The following NMUR2 variants were observed in gnomAD, a reference collection of about 807,000 sequenced individuals.
NMUR2 encodes the protein neuromedin U receptor 2, also known as neuromedin-U receptor 2.
Under a neutral mutation model 25.1 loss-of-function variants are expected in NMUR2, and 24 were observed. That is an observed-to-expected ratio of 0.96 (90% confidence interval 0.69 to 1.34). NMUR2 has a LOEUF of 1.34. Among genes scored for constraint, NMUR2 ranks in the 40% most tolerant of loss-of-function variants. The pLI is 0.00. For missense variants in NMUR2, 533 were observed against 512.8 expected (o/e 1.04, Z -0.38); for synonymous variants, 218 against 208.1 (o/e 1.05, Z -0.41).
At chr5:152,394,255 G>C (rs1753112143) in intron 3 of NMUR2, among the ~76,000 whole-genome samples, 1 of 152,072 alleles carries the variant, frequency 6.6e-6, no homozygotes, top group South Asian at 2.1e-4. Context: ...TTTGAGCTTT[G>C]GTTGCAAATG....
At chr5:152,393,579 G>C (rs930682545) in intron 3 of NMUR2, among the ~76,000 whole-genome samples, 1 of 152,152 alleles carries the variant, frequency 6.6e-6, no homozygotes, top group Non-Finnish European at 1.5e-5. Flanking sequence ...TAGTGAATTA[G>C]ACTTTGTTCT....
In NMUR2 at chr5:152,392,045, C is replaced by G. The variant is rs546638385; in HGVS notation, c.*146G>C. 7 of 670,994 alleles carry G rather than the reference C, an allele frequency of 1.0e-5. No individual in the cohort carries two copies. The African/African-American group carries it at 1.1e-4, about 11-fold the overall frequency. 41.6% of individuals were successfully genotyped at this position (670,994 alleles called of 1,614,324 possible). A position where few individuals can be genotyped will look rare whatever the true frequency, so the allele number is the denominator to read the frequency against. On this transcript the variant is annotated 3_prime_UTR_variant, in exon 4 of 4. Transcript: ENST00000255262. ...AACCAGATCTAACTCTCAGTTTTCA[C>G]GTTTATTAAAAAAAAAAAAACTAGC...
intron 1 of NMUR2, among the ~76,000 whole-genome samples, chr5:152,399,056 T>A (rs145611432): frequency 6.7e-6 from 1 of 149,556 alleles, no homozygotes; most frequent in African/African-American, 2.4e-5. Context: ...TCCTTTGAAC[T>A]CCCACAGCAC....
rs183515991 is a variant in NMUR2, at chr5:152,396,559, A to G, written c.812-975T>C. Among the ~76,000 whole-genome samples, 3 of 152,266 alleles carry G rather than the reference A, an allele frequency of 2.0e-5. No individual in the cohort carries two copies. The East Asian group carries it at 5.8e-4, about 29-fold the overall frequency. On this transcript the variant is annotated intron_variant, in intron 2 of 3. Coordinates refer to ENST00000255262, the MANE Select transcript of NMUR2 (RefSeq NM_020167.5). ...GGTTTCTACTGAATTTGCCAACCCA[A>G]GAAAAGTCCCTAATCTGTTCACTAC...
chr5:152,404,670 G>A lies in NMUR2; in HGVS notation c.444C>T (p.Ile148=). ...GCAGTTTGGCGCGGAACGGGTGTAG[G>A]ATGGCCACGTAGCGCTCCACGCTGA... ...TTVSVERYVA[I]LHPFRAKLQS... is the part of the protein sequence containing the mutation. Residue 148 remains isoleucine, a synonymous_variant, in exon 1 of 4, where the codon ATC becomes ATT. Coordinates refer to ENST00000255262, the MANE Select transcript of NMUR2 (RefSeq NM_020167.5). 4 of 1,614,114 alleles carry A rather than the reference G, an allele frequency of 2.5e-6. No homozygotes were observed. Among genetic ancestry groups the A allele is most frequent in the Non-Finnish European group, 8.5e-7 (1 of 1,180,018 alleles).
Position 152,395,604 on chromosome 5 carries a change from G to T in NMUR2, c.812-20C>A. On this transcript the variant is annotated intron_variant, in intron 2 of 3. Coordinates refer to ENST00000255262, the MANE Select transcript of NMUR2 (RefSeq NM_020167.5). ...AGACAACTGAAAATGGATGATAAAT[G>T]GGAGACCAGAAGACAGTCTGTGCAA... 1 of 1,612,188 alleles carries T rather than the reference G, an allele frequency of 6.2e-7. No individual in the cohort carries two copies. Among genetic ancestry groups the T allele is most frequent in the Admixed American group, 1.7e-5 (1 of 59,766 alleles).
At chr5:152,402,089 T>A (rs923969536) in intron 1 of NMUR2, among the ~76,000 whole-genome samples, 6 of 152,038 alleles carry the variant, frequency 3.9e-5, no homozygotes, top group African/African-American at 1.4e-4. Context: ...AATTAAGGAA[T>A]CCATAAGTAT....
rs1448177573 is a variant in NMUR2 at position 152,405,250 on chromosome 5, G to A, written c.-137C>T. The A allele has an allele frequency of 9.6e-7, 1 of 1,036,580 alleles. No homozygotes were observed. The highest frequency in any genetic ancestry group is 1.6e-5 in the African/African-American group (1 of 62,456). The allele number at this position is 1,036,580 out of a possible 1,614,324, so 64.2% of individuals were successfully genotyped here. A position where few individuals can be genotyped will look rare whatever the true frequency, so the allele number is the denominator to read the frequency against. The stretch of plus-strand genomic sequence containing the variant: ...GTCACAGGCTTCGTAAGGAAGGCTG[G>A]GAGAGAGTGAGTGTTTCACCCTCCA... On this transcript the variant is annotated 5_prime_UTR_variant, in exon 1 of 4. Transcript: ENST00000255262.
chr5:152,400,087 A>G (rs1043411485), intron 1 of NMUR2, among the ~76,000 whole-genome samples: 1 of 152,188 alleles, frequency 6.6e-6, no homozygotes, highest in Non-Finnish European at 1.5e-5. Context: ...CAGCAAATCC[A>G]TATCCAGTCT....
chr5:152,391,993 T>G lies in NMUR2; in HGVS notation c.*198A>C. The G allele has an allele frequency of 1.8e-6, 1 of 540,666 alleles. No homozygotes were observed. The highest frequency in any genetic ancestry group is 3.3e-6 in the Non-Finnish European group (1 of 306,622). The allele number at this position is 540,666 out of a possible 1,614,324, so 33.5% of individuals were successfully genotyped here. On this transcript the variant is annotated 3_prime_UTR_variant, in exon 4 of 4. Coordinates refer to ENST00000255262, the MANE Select transcript of NMUR2 (RefSeq NM_020167.5). ...GCAGTTAGGATAGTGGAAAGATAAC[T>G]AAAAATCAGGCAGTCTTGGGTTTTG...
rs927471968 is a variant in NMUR2 at position 152,405,221 on chromosome 5, G to A, written c.-108C>T. 3 of 1,312,974 alleles carry A rather than the reference G, an allele frequency of 2.3e-6. No homozygotes were observed. Among genetic ancestry groups the A allele is most frequent in the South Asian group, 1.5e-5 (1 of 67,348 alleles). 81.3% of individuals were successfully genotyped at this position (1,312,974 alleles called of 1,614,324 possible). A position where few individuals can be genotyped will look rare whatever the true frequency, so the allele number is the denominator to read the frequency against. On this transcript the variant is annotated 5_prime_UTR_variant, in exon 1 of 4. Transcript: ENST00000255262. ...AAAACAAAAAAGAGAAAGCAGTCAC[G>A]AAAGTCACAGGCTTCGTAAGGAAGG...
At position 152,397,968 on chromosome 5, in the gene NMUR2, G is replaced by A. The variant is rs1429269141; in HGVS notation, c.811+92C>T. On this transcript the variant is annotated intron_variant, in intron 2 of 3. Coordinates refer to ENST00000255262, the MANE Select transcript of NMUR2 (RefSeq NM_020167.5). Reference sequence around the variant, plus strand: ...TAAATACTCTGTTTCAGGATAAATTGGAACCTACCCCAGCAGCATTTAGTT... The same window carrying A: ...TAAATACTCTGTTTCAGGATAAATTAGAACCTACCCCAGCAGCATTTAGTT... 4.8e-6 allele frequency: 4 copies of A among 825,728 alleles called. No individual in the cohort carries two copies. The East Asian group carries it at 9.9e-5, about 20-fold the overall frequency. The allele number at this position is 825,728 out of a possible 1,614,324, so 51.2% of individuals were successfully genotyped here.
In NMUR2 at chr5:152,397,301, C is replaced by G. The variant is rs1307575354; in HGVS notation, c.811+759G>C. ...ATTTGCAAAATGTATTATAAATCTC[C>G]TTTCCCTCATCAGTAACTCCTCTCA... On this transcript the variant is annotated intron_variant, in intron 2 of 3. Coordinates refer to ENST00000255262, the MANE Select transcript of NMUR2 (RefSeq NM_020167.5). Among the ~76,000 whole-genome samples the G allele has an allele frequency of 1.8e-4, 28 of 152,106 alleles. 1 individual carries two copies. The highest frequency in any genetic ancestry group is 1.8e-3 in the Admixed American group (28 of 15,264).
chr5:152,405,215 A>G lies in NMUR2; in HGVS notation c.-102T>C. 1 of 1,332,556 alleles carries G rather than the reference A, an allele frequency of 7.5e-7. No individual in the cohort carries two copies. Among genetic ancestry groups the G allele is most frequent in the South Asian group, 1.5e-5 (1 of 67,830 alleles). 82.5% of individuals were successfully genotyped at this position (1,332,556 alleles called of 1,614,324 possible). ...AAAAGGAAAACAAAAAAGAGAAAGCAGTCACGAAAGTCACAGGCTTCGTAA... is the reference window on the plus strand; with the variant it reads ...AAAAGGAAAACAAAAAAGAGAAAGCGGTCACGAAAGTCACAGGCTTCGTAA... On this transcript the variant is annotated 5_prime_UTR_variant, in exon 1 of 4. Coordinates refer to ENST00000255262, the MANE Select transcript of NMUR2 (RefSeq NM_020167.5).
intron 1 of NMUR2, among the ~76,000 whole-genome samples, chr5:152,400,485 G>A (rs769442674): frequency 6.6e-6 from 1 of 151,956 alleles, no homozygotes; most frequent in East Asian, 1.9e-4. Flanking sequence ...GTTTATATAT[G>A]TGAGGTTACT....
At chr5:152,402,304 A>G (rs529421775) in intron 1 of NMUR2, among the ~76,000 whole-genome samples, 1 of 152,258 alleles carries the variant, frequency 6.6e-6, no homozygotes, top group East Asian at 1.9e-4. Context: ...AGTGTACATA[A>G]AGGCCCTGCG....
In NMUR2 at chr5:152,392,080, A is replaced by G. The variant is rs1413016333; in HGVS notation, c.*111T>C. The G allele has an allele frequency of 1.1e-6, 1 of 923,128 alleles. No homozygotes were observed. The highest frequency in any genetic ancestry group is 1.7e-6 in the Non-Finnish European group (1 of 600,956). 57.2% of individuals were successfully genotyped at this position (923,128 alleles called of 1,614,324 possible). A position where few individuals can be genotyped will look rare whatever the true frequency, so the allele number is the denominator to read the frequency against. On this transcript the variant is annotated 3_prime_UTR_variant, in exon 4 of 4. Transcript: ENST00000255262. ...AAAAAAAAAAACTAGCAATGGGTAC[A>G]TGAGTTGTAAGAGCCATTCTACCTC...
chr5:152,397,680 C>T (rs2113098003), intron 2 of NMUR2, among the ~76,000 whole-genome samples: 2 of 151,464 alleles, frequency 1.3e-5, no homozygotes, highest in East Asian at 3.9e-4. Context: ...TAAAAACCTG[C>T]TTATTTCACA....
In NMUR2 at chr5:152,405,124, G is replaced by A. The variant is rs1433096409; in HGVS notation, c.-11C>T. 1 of 1,591,846 alleles carries A rather than the reference G, an allele frequency of 6.3e-7. No individual in the cohort carries two copies. Among genetic ancestry groups the A allele is most frequent in the Non-Finnish European group, 8.6e-7 (1 of 1,167,920 alleles). On this transcript the variant is annotated 5_prime_UTR_variant, in exon 1 of 4. Transcript: ENST00000255262. ...TTCCATCCCTGACATTAAAATCCAAGGCCTGAGCCTCCCCTGGTACGAGGC... is the reference window on the plus strand; with the variant it reads ...TTCCATCCCTGACATTAAAATCCAAAGCCTGAGCCTCCCCTGGTACGAGGC...
Sources: gnomAD v4.1 joint callset for allele counts (sites outside exome capture counted in the v4.1 genomes callset) on GRCh38, gnomAD v4.1.1 for gene constraint, MANE v1.5 for transcripts, NCBI Gene and HGNC (gene_info 2026-07-23, HGNC 2026-07-21) for gene names.